Variants in RAPGEF2 observed in about 807,000 individuals in gnomAD.
The protein encoded by RAPGEF2 is Rap guanine nucleotide exchange factor 2.
RAPGEF2 carries 54 observed loss-of-function variants against 186.7 expected under a neutral mutation model. The observed-to-expected ratio is 0.29, with a 90% CI of 0.23 to 0.36. The LOEUF (loss-of-function observed/expected upper bound fraction) is 0.36, where lower values mean the gene tolerates loss of function less well. RAPGEF2 is among the 10% of genes least tolerant of loss of function. RAPGEF2 has a pLI of 1.00. For missense variants in RAPGEF2, 1,532 were observed against 2,045.0 expected (o/e 0.75, Z 4.84); for synonymous variants, 712 against 705.9 (o/e 1.01, Z -0.14).
At chr4:159,222,338 C>T (rs1299632060) in intron 4 of RAPGEF2, among the ~76,000 whole-genome samples, 1 of 152,154 alleles carries the variant, frequency 6.6e-6, no homozygotes, top group African/African-American at 2.4e-5. Flanking sequence ...GAGAAGGACT[C>T]ATATTTTTTG....
chr4:159,292,142 C>T (rs1016735189), intron 7 of RAPGEF2, among the ~76,000 whole-genome samples: 5 of 152,138 alleles, frequency 3.3e-5, no homozygotes, highest in South Asian at 2.1e-4. Flanking sequence ...TCCCAAAACC[C>T]TTCAGTGGCT....
intron 7 of RAPGEF2, among the ~76,000 whole-genome samples, chr4:159,302,784 TA>T: frequency 6.6e-6 from 1 of 151,954 alleles, no homozygotes; most frequent in East Asian, 1.9e-4. Flanking sequence ...TTTTACTTTT[TA>T]TTTTTTATTT....
chr4:159,352,839 C>A lies in RAPGEF2; in HGVS notation c.4020C>A (p.Ile1340=), dbSNP rs772674535. Residue 1340 remains isoleucine, a synonymous_variant, in exon 27 of 30, where the codon ATC becomes ATA. Coordinates refer to ENST00000691494, the MANE Select transcript of RAPGEF2 (RefSeq NM_001394067.2). ...DERRQRHSVS[I]VETNLGMGRM... The stretch of plus-strand genomic sequence containing the variant: ...GGCGCCAGAGGCATTCTGTCAGCAT[C>A]GTGGAAACAAACCTAGGGATGGGCA... 1.1e-5 allele frequency: 18 copies of A among 1,614,050 alleles called. No individual in the cohort carries two copies. The South Asian group carries it at 1.9e-4, about 17-fold the overall frequency.
At chr4:159,238,724 TC>T in intron 4 of RAPGEF2, 84 bp from the exon 5 acceptor site, 1 of 868,270 alleles carries the variant, frequency 1.2e-6, no homozygotes, top group Non-Finnish European at 1.7e-6. Flanking sequence ...TTTTTATTTA[TC>T]AGGAAGTTTG....
At chr4:159,286,226 G>C (rs1481849404) in intron 7 of RAPGEF2, among the ~76,000 whole-genome samples, 2 of 152,034 alleles carry the variant, frequency 1.3e-5, no homozygotes, top group Non-Finnish European at 1.5e-5. Flanking sequence ...TCCTCAGGTT[G>C]CTCAAACCTC....
At chr4:159,119,097 A>G (rs904591357) in intron 1 of RAPGEF2, among the ~76,000 whole-genome samples, 4 of 152,194 alleles carry the variant, frequency 2.6e-5, no homozygotes, top group African/African-American at 9.7e-5. Flanking sequence ...TTAGGTTTGC[A>G]GGTTGCCAAG....
intron 8 of RAPGEF2, among the ~76,000 whole-genome samples, chr4:159,308,917 G>A (rs1763626978): frequency 1.3e-5 from 2 of 152,078 alleles, no homozygotes; most frequent in Admixed American, 6.6e-5. Flanking sequence ...GAGAAGTTTT[G>A]AAATAATAGT....
In RAPGEF2 at chr4:159,330,408, T is replaced by C; in HGVS notation, c.1377T>C (p.Phe459=). 1 of 1,606,372 alleles carries C rather than the reference T, an allele frequency of 6.2e-7. No homozygotes were observed. Among genetic ancestry groups the C allele is most frequent in the African/African-American group, 1.3e-5 (1 of 74,500 alleles). The change falls in exon 13 of 30, where the codon TTT becomes TTC. Residue 459 remains phenylalanine, a synonymous_variant. Coordinates refer to ENST00000691494, the MANE Select transcript of RAPGEF2 (RefSeq NM_001394067.2). ...TAGATCCAACATTCATAGAAGACTT[T>C]CTGTTGACCTATAGGACTTTTCTTT... is the stretch of plus-strand genomic sequence containing the variant. ...SVVDPTFIED[F]LLTYRTFLSS... is the part of the protein sequence containing the mutation.
intron 1 of RAPGEF2, among the ~76,000 whole-genome samples, chr4:159,154,353 T>C (rs1044359229): frequency 6.6e-6 from 1 of 152,186 alleles, no homozygotes; most frequent in Non-Finnish European, 1.5e-5. Context: ...ATATTATTTA[T>C]TGCCTATCTC....
At chr4:159,165,852 C>T (rs991712507) in intron 1 of RAPGEF2, among the ~76,000 whole-genome samples, 2 of 152,120 alleles carry the variant, frequency 1.3e-5, no homozygotes, top group African/African-American at 2.4e-5. Context: ...CTCTGCCTCC[C>T]AAAGTGCTGC....
At position 159,343,051 on chromosome 4, in the gene RAPGEF2, A is replaced by G. The variant is rs1170390203; in HGVS notation, c.2991A>G (p.Leu997=). Residue 997 remains leucine, a synonymous_variant, in exon 21 of 30, where the codon CTA becomes CTG. Coordinates refer to ENST00000691494, the MANE Select transcript of RAPGEF2 (RefSeq NM_001394067.2). The part of the protein sequence containing the change: ...WEKLPNKYEK[L]FQDLQDLFDP... Reference sequence around the variant, plus strand: ...AACTTCCCAATAAATACGAAAAACTATTTCAAGATCTCCAAGACCTGTTTG... The same window carrying G: ...AACTTCCCAATAAATACGAAAAACTGTTTCAAGATCTCCAAGACCTGTTTG... 8 of 1,614,088 alleles carry G rather than the reference A, an allele frequency of 5.0e-6. No individual in the cohort carries two copies. The highest frequency in any genetic ancestry group is 6.8e-6 in the Non-Finnish European group (8 of 1,179,974).
At chr4:159,300,550 A>G (rs989125996) in intron 7 of RAPGEF2, among the ~76,000 whole-genome samples, 5 of 152,178 alleles carry the variant, frequency 3.3e-5, no homozygotes, top group African/African-American at 9.6e-5. Context: ...TTAAAAATAC[A>G]TAAAATGTGT....
intron 7 of RAPGEF2, among the ~76,000 whole-genome samples, chr4:159,295,768 C>CGG (rs1561230842): frequency 1.3e-5 from 2 of 149,384 alleles, no homozygotes; most frequent in South Asian, 4.2e-4. Context: ...CGCGCGCGCG[C>CGG]GCGCGCATGC....
chr4:159,245,298 T>G lies in RAPGEF2; in HGVS notation c.543+1507T>G, dbSNP rs556109336. On this transcript the variant is annotated intron_variant, in intron 7 of 29. Transcript: ENST00000691494. ...GAGAGAATAGCATTTTAAAATGCAG[T>G]GAGAAAGGAAGATTGGAGATGGCTT... 3.3e-5 allele frequency among the ~76,000 whole-genome samples: 5 copies of G among 152,130 alleles called. No individual in the cohort carries two copies. In the East Asian group the frequency reaches 9.6e-4, roughly 29 times the overall value.
At chr4:159,127,411 T>G (rs936944331) in intron 1 of RAPGEF2, among the ~76,000 whole-genome samples, 2 of 152,222 alleles carry the variant, frequency 1.3e-5, no homozygotes, top group Non-Finnish European at 2.9e-5. Context: ...AAAACACACC[T>G]TTTGATTTCC....
chr4:159,340,987 T>G (rs1729390161), intron 19 of RAPGEF2, among the ~76,000 whole-genome samples: 1 of 152,206 alleles, frequency 6.6e-6, no homozygotes, highest in Non-Finnish European at 1.5e-5. Context: ...CCTGTAGAGT[T>G]TTTATGAAAA....
At chr4:159,190,294 G>A (rs1398945321) in intron 2 of RAPGEF2, among the ~76,000 whole-genome samples, 2 of 152,224 alleles carry the variant, frequency 1.3e-5, no homozygotes. Context: ...AAGATCTCTG[G>A]AAGCTTTGTG....
intron 1 of RAPGEF2, among the ~76,000 whole-genome samples, chr4:159,110,128 A>G (rs1000502367): frequency 2.6e-5 from 4 of 152,216 alleles, no homozygotes; most frequent in Non-Finnish European, 4.4e-5. Context: ...TAATTATGGC[A>G]CAGGATGATC....
chr4:159,186,430 A>G (rs759975135), intron 1 of RAPGEF2, among the ~76,000 whole-genome samples: 22 of 152,104 alleles, frequency 1.4e-4, no homozygotes, highest in Non-Finnish European at 1.5e-4. Flanking sequence ...TTTATATTTT[A>G]GTAGGTTTAG....
Sources: allele counts gnomAD v4.1 joint callset (sites outside exome capture counted in the v4.1 genomes callset), GRCh38; gene constraint gnomAD v4.1.1; transcripts MANE v1.5; gene names NCBI Gene and HGNC (gene_info 2026-07-23, HGNC 2026-07-21).